Variants in AGBL2 observed in about 807,000 individuals in gnomAD.
AGBL2 encodes cytosolic carboxypeptidase 2.
Under a neutral mutation model 103.0 loss-of-function variants are expected in AGBL2, and 87 were observed. The ratio of observed to expected loss-of-function variants is 0.84; its 90% CI spans 0.71 to 1.01. The LOEUF (loss-of-function observed/expected upper bound fraction) is 1.01, where lower values mean the gene tolerates loss of function less well. AGBL2 is among the 50% of genes least tolerant of loss of function. The pLI, the probability that AGBL2 is intolerant of heterozygous loss-of-function variation, is 0.00. For missense variants in AGBL2, 904 were observed against 1,023.5 expected (o/e 0.88, Z 1.59); for synonymous variants, 335 against 356.7 (o/e 0.94, Z 0.69).
chr11:47,699,648 G>T (rs1246069954), intron 7 of AGBL2, 95 bp from the exon 8 acceptor site: 7 of 675,160 alleles, frequency 1.0e-5, no homozygotes, highest in African/African-American at 3.8e-5. Flanking sequence ...TTTTCAAATG[G>T]CTAGTTTGGT....
chr11:47,712,284 G>C (rs996394280), intron 3 of AGBL2, among the ~76,000 whole-genome samples: 2 of 151,950 alleles, frequency 1.3e-5, no homozygotes, highest in South Asian at 2.1e-4. Flanking sequence ...TGTAGATAAG[G>C]GGGGACTAAT....
In AGBL2 at chr11:47,690,863, A is replaced by C; in HGVS notation, c.849-5T>G. 1.3e-6 allele frequency: 2 copies of C among 1,599,572 alleles called. No homozygotes were observed. The highest frequency in any genetic ancestry group is 8.5e-7 in the Non-Finnish European group (1 of 1,175,878). The stretch of plus-strand genomic sequence containing the variant: ...AGTTCATACTCATAGGTGTCTCTGT[A>C]ATGGAGAAAATAGAACAACTCTGTA... On this transcript the variant is annotated splice_region_variant and splice_polypyrimidine_tract_variant and intron_variant, in intron 9 of 18. Coordinates refer to ENST00000525123, the MANE Select transcript of AGBL2 (RefSeq NM_024783.4).
At chr11:47,691,816 A>G (rs1337583814) in intron 9 of AGBL2, among the ~76,000 whole-genome samples, 1 of 143,508 alleles carries the variant, frequency 7.0e-6, no homozygotes, top group East Asian at 2.0e-4. Flanking sequence ...ACTAAACTTA[A>G]TATTTGCTGC....
chr11:47,675,446 G>T (rs187287709), intron 14 of AGBL2, among the ~76,000 whole-genome samples: 1 of 136,376 alleles, frequency 7.3e-6, no homozygotes, highest in African/African-American at 2.7e-5. Context: ...ACGCAGTGGC[G>T]CAATCCCAGC....
chr11:47,682,165 T>C, intron 11 of AGBL2, 70 bp from the exon 12 acceptor site: 1 of 1,443,550 alleles, frequency 6.9e-7, no homozygotes, highest in Admixed American at 1.9e-5. Flanking sequence ...TTCATTAATA[T>C]GATACAAGAA....
chr11:47,661,181 T>G (rs983124690), intron 18 of AGBL2, among the ~76,000 whole-genome samples: 2 of 152,028 alleles, frequency 1.3e-5, no homozygotes, highest in African/African-American at 4.8e-5. Context: ...AAATTTTTTT[T>G]TAAGAAAATG....
intron 18 of AGBL2, among the ~76,000 whole-genome samples, chr11:47,660,957 G>A (rs1015600075): frequency 1.3e-5 from 2 of 152,084 alleles, no homozygotes; most frequent in Non-Finnish European, 2.9e-5. Context: ...CTGTCAAGGT[G>A]GCAGATTGCC....
At chr11:47,693,981 G>T (rs1021361615) in intron 8 of AGBL2, among the ~76,000 whole-genome samples, 3 of 152,110 alleles carry the variant, frequency 2.0e-5, no homozygotes, top group Non-Finnish European at 4.4e-5. Context: ...CTTGGGCTCA[G>T]AAGTTTGAGA....
At chr11:47,675,253 G>T (rs11039333) in intron 14 of AGBL2, among the ~76,000 whole-genome samples, 2 of 126,474 alleles carry the variant, frequency 1.6e-5, no homozygotes, top group African/African-American at 6.2e-5. Context: ...CTATAGCGCA[G>T]ATTGTAGTAC....
intron 3 of AGBL2, chr11:47,710,939 T>C (rs1020849880): frequency 1.7e-5 from 7 of 417,216 alleles, no homozygotes; most frequent in African/African-American, 1.1e-4. Flanking sequence ...AAAAAAATTA[T>C]GGCCCAAAGG....
chr11:47,701,067 C>A (rs193076821), intron 7 of AGBL2, among the ~76,000 whole-genome samples: 50 of 146,978 alleles, frequency 3.4e-4, no homozygotes, highest in African/African-American at 7.6e-4. Flanking sequence ...AAAAAAAAAA[C>A]AAACAAACAA....
At position 47,682,156 on chromosome 11, in the gene AGBL2, TC is replaced by T. The variant is rs1425817784; in HGVS notation, c.1789-62del. ...TCAGCAAATGTAAAATATCTAAGAT[TC>T]ATTAATATGATACAAGAATAATTTC... is the stretch of plus-strand genomic sequence containing the variant. On this transcript the variant is annotated intron_variant, in intron 11 of 18. Transcript: ENST00000525123. 5.4e-6 allele frequency: 8 copies of T among 1,482,390 alleles called. No individual in the cohort carries two copies. In the East Asian group the frequency reaches 1.8e-4, roughly 34 times the overall value. 91.8% of individuals were successfully genotyped at this position (1,482,390 alleles called of 1,614,324 possible).
rs192558333 is a variant in AGBL2 at position 47,667,670 on chromosome 11, C to A, written c.2241G>T (p.Lys747Asn). 1 of 1,611,264 alleles carries A rather than the reference C, an allele frequency of 6.2e-7. No homozygotes were observed. The highest frequency in any genetic ancestry group is 2.2e-5 in the East Asian group (1 of 44,864). Residue 747 changes from lysine to asparagine, a missense_variant, in exon 16 of 19, where the codon AAG becomes AAT. Physicochemically the swap from Lys to Asn is moderately conservative, Grantham distance 94. Transcript: ENST00000525123. ...TCTGAAGTGACTTCTTTTTTTTCTT[C>A]TTAAACATCTTCTTTTTCTGAGTCA... ...DELTQKKKMF[K>N]KKKKKSLQTR...
chr11:47,691,729 A>AAAAAAATATAT lies in AGBL2; in HGVS notation c.848+373_848+374insATATATTTTTT. On this transcript the variant is annotated intron_variant, in intron 9 of 18. Coordinates refer to ENST00000525123, the MANE Select transcript of AGBL2 (RefSeq NM_024783.4). ...TCTCAAGAAAAAAAAAAAAAAAAAA[A>AAAAAAATATAT]ATATATATATATATATATATATATA... 6.2e-4 allele frequency among the ~76,000 whole-genome samples: 3 copies of AAAAAAATATAT among 4,850 alleles called. 1 individual carries two copies. The highest frequency in any genetic ancestry group is 1.4e-3 in the African/African-American group (2 of 1,386). 3.2% of individuals were successfully genotyped at this position (4,850 alleles called of 152,430 possible).
Position 47,682,069 on chromosome 11 carries a change from C to T in AGBL2, c.1815G>A (p.Lys605=). The change falls in exon 12 of 19, where the codon AAG becomes AAA. Residue 605 remains lysine, a synonymous_variant. Transcript: ENST00000525123. ...DKFSFHSCNF[K]VQKCKEGTGR... ...CTGTTCCTTCTTTGCATTTTTGGAC[C>T]TTAAAATTACAACTGTGAAAAGAGA... The T allele has an allele frequency of 6.2e-7, 1 of 1,614,000 alleles. No individual in the cohort carries two copies. The highest frequency in any genetic ancestry group is 8.5e-7 in the Non-Finnish European group (1 of 1,179,950).
intron 11 of AGBL2, among the ~76,000 whole-genome samples, chr11:47,684,973 G>A (rs796645520): frequency 6.6e-6 from 1 of 152,096 alleles, no homozygotes; most frequent in Non-Finnish European, 1.5e-5. Flanking sequence ...TTGGGAGGCC[G>A]GGGCAGGCGG....
chr11:47,671,543 A>AACAAACAAACAT (rs1322083977), intron 14 of AGBL2, among the ~76,000 whole-genome samples: 1 of 151,794 alleles, frequency 6.6e-6, no homozygotes, highest in East Asian at 1.9e-4. Flanking sequence ...CAAACAAACA[A>AACAAACAAACAT]ACAAACAAAC....
rs1459697912 is a variant in AGBL2, at chr11:47,662,901, A to C, written c.2535+125T>G. On this transcript the variant is annotated intron_variant, in intron 18 of 18. Coordinates refer to ENST00000525123, the MANE Select transcript of AGBL2 (RefSeq NM_024783.4). ...AAATGCCTTAGATGTTCACCTGCGC[A>C]GAACGAATCCGAGAAGGTAAAACTG... 3.7e-6 allele frequency: 3 copies of C among 815,722 alleles called. No individual in the cohort carries two copies. In the African/African-American group the frequency reaches 5.3e-5, roughly 14 times the overall value. 50.5% of individuals were successfully genotyped at this position (815,722 alleles called of 1,614,324 possible).
intron 4 of AGBL2, among the ~76,000 whole-genome samples, 192 bp from the exon 5 acceptor site, chr11:47,706,109 A>G (rs1433014880): frequency 1.3e-5 from 2 of 152,214 alleles, no homozygotes; most frequent in African/African-American, 2.4e-5. Flanking sequence ...AAGCTGCACA[A>G]TGTCACTCAT....
Sources: gnomAD v4.1 joint callset for allele counts (sites outside exome capture counted in the v4.1 genomes callset) on GRCh38, gnomAD v4.1.1 for gene constraint, MANE v1.5 for transcripts, NCBI Gene and HGNC (gene_info 2026-07-23, HGNC 2026-07-21) for gene names.